The following PIK3C2B variants were observed in gnomAD, a reference collection of about 807,000 sequenced individuals.
The protein encoded by PIK3C2B is phosphatidylinositol 4-phosphate 3-kinase C2 domain-containing subunit beta.
PIK3C2B carries 83 observed loss-of-function variants against 184.3 expected under a neutral mutation model. The observed-to-expected ratio is 0.45, with a 90% CI of 0.38 to 0.54. The LOEUF is 0.54. PIK3C2B is among the 20% of genes least tolerant of loss of function. PIK3C2B has a pLI of 0.00. For missense variants in PIK3C2B, 1,736 were observed against 2,113.5 expected, an observed-to-expected ratio of 0.82 and a Z score of 3.50; for synonymous variants, 779 against 837.6, an observed-to-expected ratio of 0.93 and a Z score of 1.21.
intron 31 of PIK3C2B, among the ~76,000 whole-genome samples, chr1:204,426,978 A>G (rs1674778550): frequency 6.6e-6 from 1 of 152,124 alleles, no homozygotes; most frequent in African/African-American, 2.4e-5. Context: ...TCTAATTTTA[A>G]AAAATACAAA....
At chr1:204,425,547 A>G in intron 32 of PIK3C2B, 66 bp downstream of exon 32, 1 of 1,552,604 alleles carries the variant, frequency 6.4e-7, no homozygotes, top group Admixed American at 1.7e-5. Context: ...CTTCAATACG[A>G]CTTTATCTAG....
intron 12 of PIK3C2B, among the ~76,000 whole-genome samples, chr1:204,452,275 A>ACTGTGCAG (rs1654429403): frequency 7.2e-6 from 1 of 139,170 alleles, no homozygotes; most frequent in African/African-American, 2.6e-5. Context: ...GGGCCAGAAC[A>ACTGTGCAG]CTGTGCAGCA....
intron 12 of PIK3C2B, among the ~76,000 whole-genome samples, chr1:204,454,172 T>G (rs1203341727): frequency 1.4e-4 from 22 of 152,098 alleles, no homozygotes; most frequent in Admixed American, 1.4e-3. Flanking sequence ...GTAATTATAC[T>G]TGGCTCCTTT....
chr1:204,493,974 G>C (rs1658189222), intron 1 of PIK3C2B, among the ~76,000 whole-genome samples: 1 of 152,260 alleles, frequency 6.6e-6, no homozygotes, highest in Non-Finnish European at 1.5e-5. Context: ...TCACAGGACA[G>C]GTTTTGCTTT....
At chr1:204,455,743 C>CA (rs750454402) in intron 11 of PIK3C2B, 113 bp downstream of exon 11, 132 of 853,166 alleles carry the variant, frequency 1.5e-4, no homozygotes, top group Non-Finnish European at 2.3e-4. Context: ...CAATGTCACA[C>CA]AATGCCACAC....
chr1:204,473,185 T>C (rs1311942775), intron 1 of PIK3C2B, among the ~76,000 whole-genome samples: 2 of 152,226 alleles, frequency 1.3e-5, no homozygotes, highest in Non-Finnish European at 2.9e-5. Context: ...TCCCTTACCC[T>C]GGGGTGCCCT....
At chr1:204,451,975 T>C (rs1654398365) in intron 12 of PIK3C2B, among the ~76,000 whole-genome samples, 1 of 151,996 alleles carries the variant, frequency 6.6e-6, no homozygotes, top group Admixed American at 6.5e-5. Context: ...GCAACTACAG[T>C]AGGAAGGAGA....
chr1:204,481,577 C>A (rs370045462), intron 1 of PIK3C2B, among the ~76,000 whole-genome samples: 86 of 152,090 alleles, frequency 5.7e-4, no homozygotes, highest in Non-Finnish European at 1.1e-3. Flanking sequence ...GTGTCACTGG[C>A]AAAGAAGTCT....
intron 10 of PIK3C2B, 75 bp from the exon 11 acceptor site, chr1:204,456,126 A>T: frequency 7.9e-7 from 1 of 1,269,690 alleles, no homozygotes; most frequent in Admixed American, 2.0e-5. Context: ...GGCATTGGCT[A>T]GAATGGGATG....
rs529819205 is a variant in PIK3C2B, at chr1:204,459,911, G to GT, written c.1532dup (p.Tyr511Ter). The GT allele has an allele frequency of 6.2e-7, 1 of 1,613,910 alleles. No homozygotes were observed. Residue 511 changes from tyrosine to a stop codon, truncating the protein, a stop_gained and frameshift_variant, in exon 8 of 33, where the codon TAC becomes TAAC. Coordinates refer to ENST00000684373, the MANE Select transcript of PIK3C2B (RefSeq NM_001377334.1). LOFTEE classifies it high-confidence loss of function. ...GCAGGAAGGCATCCACCTCATTGTG[G>GT]TAAGTGTCGAACAGAAGACTCAGGG... is the stretch of plus-strand genomic sequence containing the variant. ...RQALSLLFDT[Y>*]HNEVDAFLLA...
In PIK3C2B at chr1:204,434,489, A is replaced by T; in HGVS notation, c.3636T>A (p.Ile1212=). The change falls in exon 24 of 33, where the codon ATT becomes ATA. Residue 1212 remains isoleucine (I), a synonymous_variant. Coordinates refer to ENST00000684373, the MANE Select transcript of PIK3C2B (RefSeq NM_001377334.1). The part of the protein sequence containing the change: ...MLKTTGHMFH[I]DFGRFLGHAQ... ...CATGGCCCAGGAAGCGGCCAAAATC[A>T]ATGTGGAACATGTGACCAGTGGTCT... The T allele has an allele frequency of 6.2e-7, 1 of 1,614,184 alleles. No homozygotes were observed. Among genetic ancestry groups the T allele is most frequent in the Admixed American group, 1.7e-5 (1 of 60,026 alleles).
At position 204,431,762 on chromosome 1, in the gene PIK3C2B, G is replaced by C. The variant is rs115530970; in HGVS notation, c.4187C>G (p.Thr1396Ser). The change falls in exon 28 of 33, where the codon ACT becomes AGT. Residue 1396 changes from threonine (T) to serine (S), a missense_variant. Transcript: ENST00000684373. ...IYVVKVMREN[T>S]HEATYIQRTF... ...CCGCTGGATGTAGGTGGCCTCGTGA[G>C]TGTTCTCTCGCATCACCTTTACCAC... The C allele has an allele frequency of 1.5e-5, 25 of 1,614,196 alleles. No individual in the cohort carries two copies. Among genetic ancestry groups the C allele is most frequent in the Non-Finnish European group, 2.0e-5 (24 of 1,180,028 alleles).
chr1:204,423,692 A>G lies in PIK3C2B; in HGVS notation c.*1160T>C, dbSNP rs372338885. 6 of 152,652 alleles carry G rather than the reference A, an allele frequency of 3.9e-5. No individual in the cohort carries two copies. The highest frequency in any genetic ancestry group is 1.2e-4 in the African/African-American group (5 of 41,440). 9.5% of individuals were successfully genotyped at this position (152,652 alleles called of 1,614,324 possible). On this transcript the variant is annotated 3_prime_UTR_variant, in exon 33 of 33. Coordinates refer to ENST00000684373, the MANE Select transcript of PIK3C2B (RefSeq NM_001377334.1). ...CTTTGGCTCCAGACTAAATAGGTTT[A>G]TGGCCCCACAGAATGAGGAAAAGTC...
intron 1 of PIK3C2B, among the ~76,000 whole-genome samples, chr1:204,482,650 G>C (rs1343348527): frequency 1.3e-5 from 2 of 152,024 alleles, no homozygotes; most frequent in Admixed American, 6.6e-5. Context: ...CTGGTGTGGT[G>C]GTGGGTGCCT....
chr1:204,479,155 G>C (rs1572392957), intron 1 of PIK3C2B, among the ~76,000 whole-genome samples: 1 of 152,196 alleles, frequency 6.6e-6, no homozygotes, highest in East Asian at 1.9e-4. Context: ...ATTTGGCAAA[G>C]AAGGAAGAAA....
chr1:204,457,921 C>A, intron 8 of PIK3C2B, 47 bp from the exon 9 acceptor site: 1 of 1,587,766 alleles, frequency 6.3e-7, no homozygotes, highest in South Asian at 1.1e-5. Flanking sequence ...CTCTCATGCT[C>A]TTGGTCTCCA....
chr1:204,446,903 G>C (rs533341711), intron 15 of PIK3C2B, among the ~76,000 whole-genome samples: 1 of 152,260 alleles, frequency 6.6e-6, no homozygotes, highest in Admixed American at 6.5e-5. Flanking sequence ...GGTCCCTCCA[G>C]CTCCTCCAGT....
intron 27 of PIK3C2B, 93 bp downstream of exon 27, chr1:204,432,107 T>C: frequency 8.8e-7 from 1 of 1,129,950 alleles, no homozygotes; most frequent in Non-Finnish European, 1.3e-6. Flanking sequence ...TCAACTCCTG[T>C]GCCCACTGTG....
chr1:204,437,973 G>A (rs528697989), intron 23 of PIK3C2B, among the ~76,000 whole-genome samples: 1 of 152,310 alleles, frequency 6.6e-6, no homozygotes, highest in African/African-American at 2.4e-5. Context: ...ATAAGAGGAT[G>A]AGCTGGCACA....
Sources: allele counts gnomAD v4.1 joint callset (sites outside exome capture counted in the v4.1 genomes callset), GRCh38; gene constraint gnomAD v4.1.1; transcripts MANE v1.5; gene names NCBI Gene and HGNC (gene_info 2026-07-23, HGNC 2026-07-21).